Variants in CNTNAP2 observed in about 807,000 individuals in gnomAD.
CNTNAP2 encodes the protein contactin associated protein 2.
In CNTNAP2, 98 loss-of-function variants were observed where a neutral mutation model predicts 155.2. That is an observed-to-expected ratio of 0.63 (90% confidence interval 0.54 to 0.75). CNTNAP2 has a LOEUF of 0.75. Among genes scored for constraint, CNTNAP2 ranks in the 30% least tolerant of loss-of-function variants. CNTNAP2 has a pLI of 0.00. For synonymous variants in CNTNAP2, 651 were observed against 631.2 expected, an observed-to-expected ratio of 1.03 and a Z score of -0.47; for missense variants, 1,727 against 1,688.1, an observed-to-expected ratio of 1.02 and a Z score of -0.40.
chr7:147,054,039 A>G (rs1312788440), intron 4 of CNTNAP2, among the ~76,000 whole-genome samples: 1 of 152,136 alleles, frequency 6.6e-6, no homozygotes, highest in Non-Finnish European at 1.5e-5. Context: ...ATCCTGCATA[A>G]CAATCTAGAG....
intron 13 of CNTNAP2, among the ~76,000 whole-genome samples, chr7:147,812,683 C>T (rs1584968869): frequency 4.6e-5 from 7 of 152,216 alleles, no homozygotes; most frequent in South Asian, 2.1e-4. Context: ...TTCAGAGAGG[C>T]GCTCCTCAGA....
intron 11 of CNTNAP2, among the ~76,000 whole-genome samples, chr7:147,490,610 T>C (rs1358114830): frequency 1.3e-5 from 2 of 152,200 alleles, no homozygotes; most frequent in East Asian, 3.9e-4. Context: ...ACGAAGAAAC[T>C]TGGTGTCTCT....
intron 1 of CNTNAP2, among the ~76,000 whole-genome samples, chr7:146,716,258 C>T (rs970508077): frequency 6.7e-5 from 10 of 149,464 alleles, no homozygotes; most frequent in Non-Finnish European, 3.0e-5. Flanking sequence ...CCTGGCTGTG[C>T]TGTAAGCAGG....
At chr7:147,301,495 T>A (rs1013615355) in intron 9 of CNTNAP2, among the ~76,000 whole-genome samples, 14 of 152,234 alleles carry the variant, frequency 9.2e-5, no homozygotes, top group African/African-American at 3.1e-4. Context: ...AAAATCTGTA[T>A]GTTACATGTT....
chr7:147,490,147 T>A (rs1798580834), intron 11 of CNTNAP2, among the ~76,000 whole-genome samples: 1 of 152,164 alleles, frequency 6.6e-6, no homozygotes, highest in African/African-American at 2.4e-5. Flanking sequence ...AGGAGAGATT[T>A]TCATGTTGCC....
At chr7:147,836,824 G>T (rs932713047) in intron 13 of CNTNAP2, among the ~76,000 whole-genome samples, 2 of 152,170 alleles carry the variant, frequency 1.3e-5, no homozygotes, top group Non-Finnish European at 2.9e-5. Context: ...ACTTATAGCT[G>T]TTCTGTTTCC....
intron 3 of CNTNAP2, among the ~76,000 whole-genome samples, chr7:147,005,226 G>A (rs1191750495): frequency 6.6e-6 from 1 of 151,986 alleles, no homozygotes; most frequent in African/African-American, 2.4e-5. Context: ...ACGGGAATAG[G>A]AATATTTCAT....
chr7:147,686,558 TG>T (rs1026093031), intron 13 of CNTNAP2, among the ~76,000 whole-genome samples: 20 of 151,700 alleles, frequency 1.3e-4, no homozygotes, highest in Non-Finnish European at 2.9e-4. Context: ...AAGAGAGTAA[TG>T]TAGATAGAGA....
Position 147,603,209 on chromosome 7 carries a change from T to C in CNTNAP2, c.1898-35897T>C, listed in dbSNP as rs563709324. 3.9e-5 allele frequency among the ~76,000 whole-genome samples: 6 copies of C among 152,122 alleles called. No homozygotes were observed. The South Asian group carries it at 1.2e-3, about 32-fold the overall frequency. ...GGTGTGAGATGGTATCTCACTGTGGTTTTGATTTGCATTTCTCTGATGGCC... is the reference window on the plus strand; with the variant it reads ...GGTGTGAGATGGTATCTCACTGTGGCTTTGATTTGCATTTCTCTGATGGCC... On this transcript the variant is annotated intron_variant, in intron 12 of 23. Coordinates refer to ENST00000361727, the MANE Select transcript of CNTNAP2 (RefSeq NM_014141.6).
intron 9 of CNTNAP2, among the ~76,000 whole-genome samples, chr7:147,355,157 C>T (rs932388243): frequency 4.0e-5 from 6 of 151,834 alleles, no homozygotes; most frequent in East Asian, 1.9e-4. Flanking sequence ...AAGTGGAACC[C>T]GTATACTTGA....
At chr7:147,772,414 T>C (rs1377158353) in intron 13 of CNTNAP2, among the ~76,000 whole-genome samples, 1 of 134,542 alleles carries the variant, frequency 7.4e-6, no homozygotes, top group East Asian at 2.1e-4. Flanking sequence ...AAAAAATATA[T>C]ATATATAATA....
In CNTNAP2 at chr7:147,300,211, C is replaced by T. The variant is rs868381986; in HGVS notation, c.1419C>T (p.Thr473=). The change falls in exon 9 of 24, where the codon ACC becomes ACT. Residue 473 remains threonine, a synonymous_variant. Transcript: ENST00000361727. ...CCAAGGAAAATTTTGCTATTCTCACCATCGATGGAGATGAAGCATCAGCAG... is the reference window on the plus strand; with the variant it reads ...CCAAGGAAAATTTTGCTATTCTCACTATCGATGGAGATGAAGCATCAGCAG... ...FLAKENFAIL[T]IDGDEASAVR... 5 of 1,613,992 alleles carry T rather than the reference C, an allele frequency of 3.1e-6. No homozygotes were observed. Among genetic ancestry groups the T allele is most frequent in the Non-Finnish European group, 4.2e-6 (5 of 1,179,946 alleles).
chr7:147,639,059 A>T, intron 12 of CNTNAP2, 47 bp from the exon 13 acceptor site: 1 of 1,573,644 alleles, frequency 6.4e-7, no homozygotes, highest in Non-Finnish European at 8.7e-7. Context: ...TTGGAGAAGC[A>T]TTTGCATACT....
In CNTNAP2 at chr7:148,181,916, C is replaced by A. The variant is rs949260464; in HGVS notation, c.3010+9438C>A. On this transcript the variant is annotated intron_variant, in intron 18 of 23. Coordinates refer to ENST00000361727, the MANE Select transcript of CNTNAP2 (RefSeq NM_014141.6). ...GGGACTACAGGCGCCTGCCACCACA[C>A]CAGGCTAAATTTTTGTATTTTTAGT... is the stretch of plus-strand genomic sequence containing the variant. 2.0e-5 allele frequency among the ~76,000 whole-genome samples: 3 copies of A among 151,930 alleles called. No individual in the cohort carries two copies. The East Asian group carries it at 5.8e-4, about 30-fold the overall frequency.
intron 5 of CNTNAP2, among the ~76,000 whole-genome samples, chr7:147,115,385 TCTC>T (rs572450866): frequency 5.8e-4 from 89 of 152,314 alleles, no homozygotes; most frequent in African/African-American, 2.0e-3. Flanking sequence ...TTGGGGAAGT[TCTC>T]CTGGATCATA....
intron 9 of CNTNAP2, among the ~76,000 whole-genome samples, chr7:147,371,812 T>A (rs1208139515): frequency 1.3e-5 from 2 of 152,164 alleles, no homozygotes; most frequent in Non-Finnish European, 2.9e-5. Flanking sequence ...TATGAGAGTG[T>A]GTGCATTTTG....
At chr7:146,649,617 A>G (rs1470135485) in intron 1 of CNTNAP2, among the ~76,000 whole-genome samples, 1 of 152,178 alleles carries the variant, frequency 6.6e-6, no homozygotes, top group Non-Finnish European at 1.5e-5. Context: ...ATCTTATTAA[A>G]TAGACTCATT....
At chr7:147,386,169 A>G (rs930724496) in intron 9 of CNTNAP2, among the ~76,000 whole-genome samples, 1 of 152,080 alleles carries the variant, frequency 6.6e-6, no homozygotes, top group African/African-American at 2.4e-5. Context: ...AGCCCGACCC[A>G]TGAAATGATT....
chr7:146,475,040 C>T (rs960455027), intron 1 of CNTNAP2, among the ~76,000 whole-genome samples: 2 of 151,718 alleles, frequency 1.3e-5, no homozygotes, highest in East Asian at 3.9e-4. Context: ...CACACACACA[C>T]GTACTTACAT....
Sources: allele counts gnomAD v4.1 joint callset (sites outside exome capture counted in the v4.1 genomes callset), GRCh38; gene constraint gnomAD v4.1.1; transcripts MANE v1.5; gene names NCBI Gene and HGNC (gene_info 2026-07-23, HGNC 2026-07-21).